The following CLNK variants were observed in gnomAD, a reference collection of about 807,000 sequenced individuals.
CLNK encodes the protein cytokine dependent hematopoietic cell linker, also known as cytokine-dependent hematopoietic cell linker.
Under a neutral mutation model 68.6 loss-of-function variants are expected in CLNK, and 74 were observed. The ratio of observed to expected loss-of-function variants is 1.08; its 90% CI spans 0.89 to 1.31. The LOEUF is 1.31. Ranked by LOEUF, CLNK falls within the 50% of genes most tolerant of loss-of-function variation. The pLI is 0.00. For synonymous variants in CLNK, 198 were observed against 172.2 expected (o/e 1.15, Z -1.17); for missense variants, 553 against 515.3 (o/e 1.07, Z -0.71).
At chr4:10,588,147 G>A (rs551125377) in intron 3 of CLNK, among the ~76,000 whole-genome samples, 11 of 152,296 alleles carry the variant, frequency 7.2e-5, no homozygotes, top group East Asian at 1.9e-4. Flanking sequence ...TAATGTAAGC[G>A]TGGCAAGCCA....
chr4:10,607,423 C>T (rs1478009260), intron 2 of CLNK, among the ~76,000 whole-genome samples: 1 of 152,178 alleles, frequency 6.6e-6, no homozygotes, highest in Non-Finnish European at 1.5e-5. Flanking sequence ...GAACGCATGC[C>T]TTGCTATCTT....
chr4:10,640,828 C>G (rs1178757149), intron 2 of CLNK, among the ~76,000 whole-genome samples: 1 of 152,178 alleles, frequency 6.6e-6, no homozygotes, highest in Non-Finnish European at 1.5e-5. Context: ...CAACGTGAAA[C>G]CTACTTATAG....
intron 18 of CLNK, among the ~76,000 whole-genome samples, chr4:10,500,931 C>T (rs1259492889): frequency 6.6e-6 from 1 of 152,168 alleles, no homozygotes; most frequent in African/African-American, 2.4e-5. Flanking sequence ...AGTGGCATTT[C>T]AGTGCTGAGG....
intron 15 of CLNK, among the ~76,000 whole-genome samples, chr4:10,515,782 A>C (rs894572233): frequency 5.9e-5 from 9 of 152,244 alleles, no homozygotes; most frequent in African/African-American, 2.2e-4. Flanking sequence ...ATATATCAAC[A>C]GTGGCAGACC....
At chr4:10,724,712 A>G in the CLNK span, among the ~76,000 whole-genome samples, 14 of 152,178 alleles carry the variant, frequency 9.2e-5, no homozygotes, top group African/African-American at 3.4e-4. Context: ...ACACTGCCAG[A>G]TAAGAAGAGA....
intron 18 of CLNK, among the ~76,000 whole-genome samples, chr4:10,492,016 A>G (rs186571598): frequency 3.9e-5 from 6 of 152,286 alleles, no homozygotes; most frequent in Admixed American, 1.3e-4. Context: ...CTGAAGGAGT[A>G]TATTGGGAGA....
chr4:10,653,448 T>C (rs1723835812), intron 2 of CLNK, among the ~76,000 whole-genome samples: 3 of 152,172 alleles, frequency 2.0e-5, no homozygotes, highest in Non-Finnish European at 4.4e-5. Context: ...ATGATTAAGT[T>C]AGAAATCAGT....
At chr4:10,525,585 C>A (rs1431102730) in intron 14 of CLNK, among the ~76,000 whole-genome samples, 1 of 152,196 alleles carries the variant, frequency 6.6e-6, no homozygotes, top group African/African-American at 2.4e-5. Flanking sequence ...TCCCGTTAAT[C>A]CTATCTGGTT....
At chr4:10,696,829 TC>T in the CLNK span, among the ~76,000 whole-genome samples, 1 of 152,180 alleles carries the variant, frequency 6.6e-6, no homozygotes, top group Non-Finnish European at 1.5e-5. Flanking sequence ...CAAGGCAAGC[TC>T]CCTCTAAGAT....
intron 10 of CLNK, among the ~76,000 whole-genome samples, chr4:10,541,635 T>C (rs965144938): frequency 6.6e-6 from 1 of 152,076 alleles, no homozygotes; most frequent in East Asian, 1.9e-4. Context: ...ATACTTAATA[T>C]ATTGTTCCCT....
intron 2 of CLNK, among the ~76,000 whole-genome samples, chr4:10,613,701 C>G (rs1301702285): frequency 6.6e-6 from 1 of 152,164 alleles, no homozygotes; most frequent in Non-Finnish European, 1.5e-5. Context: ...ACAACCCCAG[C>G]AGGAGATGGA....
At chr4:10,516,186 T>C (rs1485607127) in intron 15 of CLNK, among the ~76,000 whole-genome samples, 1 of 152,014 alleles carries the variant, frequency 6.6e-6, no homozygotes, top group Admixed American at 6.6e-5. Context: ...AAACATAAAA[T>C]CTTTAGGATA....
intron 3 of CLNK, among the ~76,000 whole-genome samples, chr4:10,585,422 G>A (rs889446371): frequency 7.9e-5 from 12 of 152,178 alleles, no homozygotes; most frequent in South Asian, 2.1e-4. Context: ...CCAACTGTTC[G>A]AACTGTGTTC....
At chr4:10,680,914 C>T (rs1385952049) in intron 1 of CLNK, among the ~76,000 whole-genome samples, 1 of 152,002 alleles carries the variant, frequency 6.6e-6, no homozygotes, top group Non-Finnish European at 1.5e-5. Context: ...GTGGAGGTGT[C>T]CTGTGTAAAG....
At chr4:10,575,995 C>G (rs945146048) in intron 4 of CLNK, among the ~76,000 whole-genome samples, 2 of 152,198 alleles carry the variant, frequency 1.3e-5, no homozygotes, top group South Asian at 2.1e-4. Flanking sequence ...CTGCCTCCCC[C>G]CAGGCAGTGG....
chr4:10,694,097 A>G, the CLNK span, among the ~76,000 whole-genome samples: 2 of 152,024 alleles, frequency 1.3e-5, no homozygotes, highest in African/African-American at 4.8e-5. Flanking sequence ...AACCATTCCT[A>G]GGCCCTGTCC....
intron 4 of CLNK, among the ~76,000 whole-genome samples, chr4:10,583,110 GT>G (rs1485432239): frequency 6.6e-6 from 1 of 152,194 alleles, no homozygotes; most frequent in Non-Finnish European, 1.5e-5. Flanking sequence ...ATCTGGGAAT[GT>G]TATCAAGCCA....
chr4:10,535,001 C>G (rs1718687757), intron 11 of CLNK, among the ~76,000 whole-genome samples: 1 of 152,066 alleles, frequency 6.6e-6, no homozygotes, highest in Non-Finnish European at 1.5e-5. Flanking sequence ...TCAGAGCATA[C>G]ATTTTTGCGA....
chr4:10,490,520 G>C lies in CLNK; in HGVS notation c.1234C>G (p.Gln412Glu). 1 of 1,612,202 alleles carries C rather than the reference G, an allele frequency of 6.2e-7. No individual in the cohort carries two copies. The highest frequency in any genetic ancestry group is 8.5e-7 in the Non-Finnish European group (1 of 1,179,230). ...GKDKTGVHRK[Q>E]CHLTQPLPLT... ...GGGAGTGGCTGAGTGAGGTGACACTGTTTCCTGTGGACCCCAGTTTTATCT... is the reference window on the plus strand; with the variant it reads ...GGGAGTGGCTGAGTGAGGTGACACTCTTTCCTGTGGACCCCAGTTTTATCT... Residue 412 changes from glutamine to glutamate, a missense_variant, in exon 19 of 19, where the codon CAG (glutamine) becomes GAG (glutamate). Gln to Glu is a conservative substitution (Grantham distance 29, BLOSUM62 2). Transcript: ENST00000226951.
Sources: allele counts gnomAD v4.1 joint callset (sites outside exome capture counted in the v4.1 genomes callset), GRCh38; gene constraint gnomAD v4.1.1; transcripts MANE v1.5; gene names NCBI Gene and HGNC (gene_info 2026-07-23, HGNC 2026-07-21).